UNC5A: variants seen among roughly 807,000 people sequenced by gnomAD.
UNC5A encodes unc-5 netrin receptor A, also known as netrin receptor UNC5A.
A neutral mutation model predicts 87.4 loss-of-function variants in UNC5A; 20 were observed. The observed-to-expected ratio is 0.23, with a 90% confidence interval of 0.16 to 0.33. The LOEUF is 0.33. Among genes scored for constraint, UNC5A ranks in the 10% least tolerant of loss-of-function variants. The pLI is 1.00. For synonymous variants in UNC5A, 438 were observed against 482.3 expected (o/e 0.91, Z 1.20); for missense variants, 844 against 1,133.4 (o/e 0.74, Z 3.67).
intron 1 of UNC5A, among the ~76,000 whole-genome samples, chr5:176,817,577 T>TCCCCCCCCCCC (rs1756623227): frequency 1.7e-5 from 1 of 59,192 alleles, no homozygotes; most frequent in Non-Finnish European, 3.9e-5. Flanking sequence ...ACCCCGCCCC[T>TCCCCCCCCCCC]CCCCACCCCC....
In UNC5A at chr5:176,844,476, T is replaced by C. The variant is rs1297572240; in HGVS notation, c.71-18148T>C. Among the ~76,000 whole-genome samples, 1 of 152,074 alleles carries C rather than the reference T, an allele frequency of 6.6e-6. No homozygotes were observed. The highest frequency in any genetic ancestry group is 1.5e-5 in the Non-Finnish European group (1 of 67,990). On this transcript the variant is annotated intron_variant, in intron 1 of 14. Coordinates refer to ENST00000329542, the MANE Select transcript of UNC5A (RefSeq NM_133369.3). This position sits in a 1 kb window ranked among gnomAD's most constrained non-coding sequence, Gnocchi z 4.2. ...CTGAGCGAGAAGGGACACGGGATGA[T>C]ATGAGCTGGCCGTGGGCGCCCACTG...
intron 1 of UNC5A, among the ~76,000 whole-genome samples, chr5:176,851,751 G>T (rs1274433295): frequency 1.3e-5 from 2 of 152,194 alleles, no homozygotes; most frequent in Non-Finnish European, 2.9e-5. Flanking sequence ...GGCACTCCTA[G>T]TTGGGGCAGC....
At chr5:176,853,927 A>G (rs1757604674) in intron 1 of UNC5A, among the ~76,000 whole-genome samples, 1 of 151,788 alleles carries the variant, frequency 6.6e-6, no homozygotes, top group Admixed American at 6.6e-5. Flanking sequence ...CTCCCGAAAA[A>G]CCTCATCCGC....
chr5:176,840,331 C>T (rs1447254456), intron 1 of UNC5A, among the ~76,000 whole-genome samples: 2 of 152,114 alleles, frequency 1.3e-5, no homozygotes, highest in East Asian at 1.9e-4. Flanking sequence ...CATGGGGGCC[C>T]GCTGTGAGGG....
intron 1 of UNC5A, among the ~76,000 whole-genome samples, chr5:176,826,894 C>T (rs915567900): frequency 4.6e-5 from 7 of 152,144 alleles, no homozygotes; most frequent in Admixed American, 6.5e-5. Flanking sequence ...CCGTCTCGGC[C>T]TCCCAAAGTG....
At chr5:176,870,621 T>C in intron 6 of UNC5A, 87 bp downstream of exon 6, 1 of 1,421,514 alleles carries the variant, frequency 7.0e-7, no homozygotes, top group Middle Eastern at 1.9e-4. Context: ...AGGGAGCTAT[T>C]CTCCTGCCAA....
At chr5:176,867,340 G>T (rs1209096777) in intron 2 of UNC5A, among the ~76,000 whole-genome samples, 7 of 152,186 alleles carry the variant, frequency 4.6e-5, no homozygotes, top group Admixed American at 3.9e-4. Context: ...GTGGGGGGCT[G>T]AGTCCAGCCT....
Position 176,810,702 on chromosome 5 carries a change from C to A in UNC5A, c.-49C>A. The A allele has an allele frequency of 1.2e-6, 1 of 821,602 alleles. No individual in the cohort carries two copies. The highest frequency in any genetic ancestry group is 1.5e-6 in the Non-Finnish European group (1 of 672,906). 50.9% of individuals were successfully genotyped at this position (821,602 alleles called of 1,614,324 possible). The stretch of plus-strand genomic sequence containing the variant: ...GGGCTGAGGCGCTAAAGCCGCCCTC[C>A]CGCCCGCGGGGCCCCGCGCCCGGCC... On this transcript the variant is annotated 5_prime_UTR_variant, in exon 1 of 15. Coordinates refer to ENST00000329542, the MANE Select transcript of UNC5A (RefSeq NM_133369.3). The surrounding 1 kb of genome is among the most constrained non-coding windows in gnomAD (Gnocchi z 7.3).
At chr5:176,817,457 G>A (rs1404175099) in intron 1 of UNC5A, among the ~76,000 whole-genome samples, 2 of 152,138 alleles carry the variant, frequency 1.3e-5, no homozygotes, top group Admixed American at 1.3e-4. Context: ...GGGGGTCTAC[G>A]GGAGTACTCC....
At chr5:176,877,441 C>T in intron 9 of UNC5A, 94 bp from the exon 10 acceptor site, 1 of 1,440,946 alleles carries the variant, frequency 6.9e-7, no homozygotes. Flanking sequence ...CCCCTGGCCC[C>T]TGGGATGCTG....
intron 1 of UNC5A, among the ~76,000 whole-genome samples, chr5:176,858,722 A>G (rs28638125): frequency 8.0e-5 from 4 of 49,862 alleles, no homozygotes; most frequent in African/African-American, 2.9e-4. Context: ...AGAGAGAGAG[A>G]GAAGGAAGGA....
At chr5:176,828,360 T>C (rs997996007) in intron 1 of UNC5A, among the ~76,000 whole-genome samples, 2 of 152,136 alleles carry the variant, frequency 1.3e-5, no homozygotes, top group East Asian at 1.9e-4. Context: ...CCGAGTGTGA[T>C]GTCACTCATG....
chr5:176,822,052 T>A (rs760481767), intron 1 of UNC5A, among the ~76,000 whole-genome samples: 6 of 152,266 alleles, frequency 3.9e-5, no homozygotes, highest in Non-Finnish European at 7.3e-5. Context: ...CTGGGTGAAC[T>A]TGGGCAGGTT....
chr5:176,842,987 C>T (rs543221082), intron 1 of UNC5A, among the ~76,000 whole-genome samples: 1 of 151,762 alleles, frequency 6.6e-6, no homozygotes, highest in Non-Finnish European at 1.5e-5. Context: ...CATGGCAAAC[C>T]CTGTCTCTAC....
chr5:176,840,136 C>T (rs747614161), intron 1 of UNC5A, among the ~76,000 whole-genome samples: 1 of 152,170 alleles, frequency 6.6e-6, no homozygotes, highest in Non-Finnish European at 1.5e-5. Flanking sequence ...GGATTACAGG[C>T]GTGAGCCACC....
intron 1 of UNC5A, among the ~76,000 whole-genome samples, chr5:176,851,653 AC>A (rs1183519717): frequency 6.6e-6 from 1 of 151,792 alleles, no homozygotes; most frequent in Non-Finnish European, 1.5e-5. Context: ...AGCTCTGTGC[AC>A]CCCCCTCGGG....
rs1036242376 is a variant in UNC5A at position 176,844,698 on chromosome 5, C to T, written c.71-17926C>T. 2.6e-5 allele frequency among the ~76,000 whole-genome samples: 4 copies of T among 152,350 alleles called. No individual in the cohort carries two copies. The highest frequency in any genetic ancestry group is 4.1e-4 in the South Asian group (2 of 4,828). On this transcript the variant is annotated intron_variant, in intron 1 of 14. Transcript: ENST00000329542. This position sits in a 1 kb window ranked among gnomAD's most constrained non-coding sequence, Gnocchi z 4.2. ...ATGCTGCCTTAAACCTCCTACATCA[C>T]ACCCAGGGGTCTGTGGACCACAGTT...
At chr5:176,831,643 C>T (rs1757027432) in intron 1 of UNC5A, among the ~76,000 whole-genome samples, 1 of 152,158 alleles carries the variant, frequency 6.6e-6, no homozygotes, top group African/African-American at 2.4e-5. Context: ...GTGCCCAGAG[C>T]GGGGCTTCCC....
At position 176,877,194 on chromosome 5, in the gene UNC5A, A is replaced by G. The variant is rs1363961574; in HGVS notation, c.1381A>G (p.Ile461Val). 2.5e-6 allele frequency: 4 copies of G among 1,611,208 alleles called. No individual in the cohort carries two copies. The highest frequency in any genetic ancestry group is 3.3e-5 in the Admixed American group (2 of 59,938). The change falls in exon 9 of 15, where the codon ATC becomes GTC. Residue 461 changes from isoleucine (I) to valine (V), a missense_variant and splice_region_variant. This residue lies in a region of UNC5A where 353 missense variants were observed against 387.5 expected (regional missense o/e 0.91). Coordinates refer to ENST00000329542, the MANE Select transcript of UNC5A (RefSeq NM_133369.3). The stretch of plus-strand genomic sequence containing the variant: ...TGGCCCTCTTCCTGCCGTTCCAGGA[A>G]TCAGCCTCCTCATCCCCCCAGATGC... ...GGRLMIPNTG[I>V]SLLIPPDAIP...
Sources: allele counts gnomAD v4.1 joint callset (sites outside exome capture counted in the v4.1 genomes callset), GRCh38; gene constraint gnomAD v4.1.1; regional missense constraint gnomAD v4.1.1; non-coding constraint Gnocchi (gnomAD v3.1); transcripts MANE v1.5; gene names NCBI Gene and HGNC (gene_info 2026-07-23, HGNC 2026-07-21).